Variants in CSMD1 observed in about 807,000 individuals in gnomAD.
The protein encoded by CSMD1 is CUB and Sushi multiple domains 1.
A neutral mutation model predicts 417.5 loss-of-function variants in CSMD1; 213 were observed. That is an observed-to-expected ratio of 0.51 (90% CI 0.46 to 0.57). The LOEUF is 0.57. Among genes scored for constraint, CSMD1 ranks in the 20% least tolerant of loss-of-function variants. The pLI, the probability that CSMD1 is intolerant of heterozygous loss-of-function variation, is 0.00. For synonymous variants in CSMD1, 2,862 were observed against 1,736.8 expected, an observed-to-expected ratio of 1.65 and a Z score of -16.11; for missense variants, 6,923 against 4,529.7, an observed-to-expected ratio of 1.53 and a Z score of -15.17.
intron 2 of CSMD1, among the ~76,000 whole-genome samples, chr8:4,433,034 C>T (rs1396801180): frequency 1.3e-5 from 2 of 152,170 alleles, no homozygotes; most frequent in African/African-American, 2.4e-5. Context: ...TCGTGAACTA[C>T]GTATATGAGG....
intron 2 of CSMD1, among the ~76,000 whole-genome samples, chr8:4,508,551 T>C (rs1802652693): frequency 6.6e-6 from 1 of 152,152 alleles, no homozygotes; most frequent in South Asian, 2.1e-4. Flanking sequence ...GTTTACTGCA[T>C]ATTAAAGAGA....
intron 1 of CSMD1, among the ~76,000 whole-genome samples, chr8:4,657,610 T>C (rs1804317505): frequency 6.6e-6 from 1 of 151,208 alleles, no homozygotes; most frequent in Non-Finnish European, 1.5e-5. Context: ...CCAAGAAGAA[T>C]AAATAAAATT....
At chr8:4,404,573 A>T (rs1804879949) in intron 3 of CSMD1, among the ~76,000 whole-genome samples, 1 of 151,874 alleles carries the variant, frequency 6.6e-6, no homozygotes, top group Non-Finnish European at 1.5e-5. Flanking sequence ...TTTAAAACTC[A>T]CTTAAATTTT....
chr8:4,391,082 G>A (rs1028382209), intron 3 of CSMD1, among the ~76,000 whole-genome samples: 2 of 152,180 alleles, frequency 1.3e-5, no homozygotes, highest in East Asian at 1.9e-4. Flanking sequence ...CTAGATCCTG[G>A]AATGAGGACA....
intron 18 of CSMD1, among the ~76,000 whole-genome samples, chr8:3,379,424 G>T (rs1350504745): frequency 6.6e-6 from 1 of 152,138 alleles, no homozygotes; most frequent in Non-Finnish European, 1.5e-5. Context: ...AACCAAAAAA[G>T]AGCCCATATA....
chr8:4,887,720 T>C lies in CSMD1; in HGVS notation c.85+106612A>G, dbSNP rs149475785. Among the ~76,000 whole-genome samples the C allele has an allele frequency of 9.1e-3, 1,390 of 152,172 alleles. 30 individuals carry two copies. Among genetic ancestry groups the C allele is most frequent in the South Asian group, 0.04 (191 of 4,830 alleles). On this transcript the variant is annotated intron_variant, in intron 1 of 69. Coordinates refer to ENST00000635120, the MANE Select transcript of CSMD1 (RefSeq NM_033225.6). ...TTTATTTGCTTTGTTGGTAGGTGCATATATATTTACATTTGTTATATTTTC... is the reference window on the plus strand; with the variant it reads ...TTTATTTGCTTTGTTGGTAGGTGCACATATATTTACATTTGTTATATTTTC...
At chr8:2,962,931 C>T (rs1763469085) in intron 60 of CSMD1, among the ~76,000 whole-genome samples, 1 of 151,952 alleles carries the variant, frequency 6.6e-6, no homozygotes, top group Admixed American at 6.6e-5. Context: ...ACCTGTAGTC[C>T]CAGCTACTCG....
intron 2 of CSMD1, among the ~76,000 whole-genome samples, chr8:4,526,469 C>T (rs538893460): frequency 2.2e-4 from 34 of 152,232 alleles, no homozygotes; most frequent in African/African-American, 7.9e-4. Context: ...TGATTTTTTA[C>T]ATCAGGTAAT....
Position 4,474,379 on chromosome 8 carries a change from G to C in CSMD1, c.303-54314C>G, listed in dbSNP as rs566668243. 1.2e-4 allele frequency among the ~76,000 whole-genome samples: 18 copies of C among 152,300 alleles called. No individual in the cohort carries two copies. The South Asian group carries it at 3.1e-3, about 26-fold the overall frequency. ...GGTGTTGTCTAACTTGAGCTGATTA[G>C]AATAAGAGGAGGACAGAGAATTGGT... On this transcript the variant is annotated intron_variant, in intron 2 of 69. Coordinates refer to ENST00000635120, the MANE Select transcript of CSMD1 (RefSeq NM_033225.6).
chr8:3,244,751 G>A (rs574257681), intron 26 of CSMD1, among the ~76,000 whole-genome samples: 20 of 152,174 alleles, frequency 1.3e-4, no homozygotes, highest in Admixed American at 5.9e-4. Flanking sequence ...GAATGGGAGG[G>A]ATATAAAGTA....
chr8:3,867,547 G>C (rs941535615), intron 5 of CSMD1, among the ~76,000 whole-genome samples: 11 of 152,126 alleles, frequency 7.2e-5, no homozygotes, highest in South Asian at 2.1e-4. Context: ...GAAGGCTAGT[G>C]AGAGACGTCT....
At position 4,810,568 on chromosome 8, in the gene CSMD1, G is replaced by C. The variant is rs148249773; in HGVS notation, c.86-173010C>G. ...GCACGCGCGTATGTGTGTGTATGTG[G>C]GGGGTGGTGGCTGTGTGTCTGTATA... On this transcript the variant is annotated intron_variant, in intron 1 of 69. Transcript: ENST00000635120. 1.7e-3 allele frequency among the ~76,000 whole-genome samples: 253 copies of C among 152,222 alleles called. 1 individual carries two copies. Among genetic ancestry groups the C allele is most frequent in the African/African-American group, 5.9e-3 (245 of 41,546 alleles).
chr8:4,843,434 T>TACA (rs34061646), intron 1 of CSMD1, among the ~76,000 whole-genome samples: 35,471 of 151,374 alleles, frequency 0.23, 5,271 homozygotes, highest in African/African-American at 0.43. Context: ...TTGGAGAGAT[T>TACA]ACAACAACAA....
At chr8:4,215,097 C>T (rs1026377065) in intron 3 of CSMD1, among the ~76,000 whole-genome samples, 4 of 152,102 alleles carry the variant, frequency 2.6e-5, no homozygotes, top group South Asian at 2.1e-4. Context: ...GCTTCTATTC[C>T]GGACAAGTGA....
chr8:4,101,101 G>C (rs970607087), intron 3 of CSMD1, among the ~76,000 whole-genome samples: 3 of 152,160 alleles, frequency 2.0e-5, no homozygotes, highest in East Asian at 1.9e-4. Flanking sequence ...GCATCTACCG[G>C]TTAACCAGCG....
At chr8:3,738,371 C>T (rs867180624) in intron 6 of CSMD1, among the ~76,000 whole-genome samples, 1 of 152,212 alleles carries the variant, frequency 6.6e-6, no homozygotes, top group South Asian at 2.1e-4. Context: ...GCAAAAATAA[C>T]TACAATTGTA....
chr8:4,348,648 G>GAGAGAGGGA, intron 3 of CSMD1, among the ~76,000 whole-genome samples: 1 of 110,506 alleles, frequency 9.0e-6, no homozygotes, highest in East Asian at 3.0e-4. Context: ...AGAGGGAGGG[G>GAGAGAGGGA]GAGAGAGAGA....
chr8:4,140,107 C>T (rs1714806), intron 3 of CSMD1, among the ~76,000 whole-genome samples: 1 of 150,840 alleles, frequency 6.6e-6, no homozygotes, highest in South Asian at 2.1e-4. Context: ...AGTCCTAACA[C>T]TTTTGGAGGT....
intron 2 of CSMD1, among the ~76,000 whole-genome samples, chr8:4,625,870 C>T (rs890781963): frequency 6.6e-6 from 1 of 152,002 alleles, no homozygotes; most frequent in Non-Finnish European, 1.5e-5. Flanking sequence ...ACTACAGGTA[C>T]ACACCCCCAC....
Sources: gnomAD v4.1 joint callset for allele counts (sites outside exome capture counted in the v4.1 genomes callset) on GRCh38, gnomAD v4.1.1 for gene constraint, MANE v1.5 for transcripts, NCBI Gene and HGNC (gene_info 2026-07-23, HGNC 2026-07-21) for gene names.